VCAN: variants seen among roughly 807,000 people sequenced by gnomAD.
VCAN encodes the protein versican.
A neutral mutation model predicts 245.5 loss-of-function variants in VCAN; 44 were observed. The ratio of observed to expected loss-of-function variants is 0.18; its 90% CI spans 0.14 to 0.23. The LOEUF (loss-of-function observed/expected upper bound fraction) is 0.23, where lower values mean the gene tolerates loss of function less well. Ranked by LOEUF, VCAN falls within the 10% of genes least tolerant of loss-of-function variation. The pLI, the probability that VCAN is intolerant of heterozygous loss-of-function variation, is 1.00. For missense variants in VCAN, 3,793 were observed against 4,057.9 expected, an observed-to-expected ratio of 0.93 and a Z score of 1.77; for synonymous variants, 1,413 against 1,437.0, an observed-to-expected ratio of 0.98 and a Z score of 0.38.
At chr5:83,510,994 A>G (rs1326122182) in intron 5 of VCAN, among the ~76,000 whole-genome samples, 3 of 152,026 alleles carry the variant, frequency 2.0e-5, no homozygotes, top group Non-Finnish European at 2.9e-5. Context: ...GGTGCCTGTA[A>G]TCCCAGCTAC....
rs1388890358 is a variant in VCAN, at chr5:83,570,235, T to C, written c.9736-2181T>C. Among the ~76,000 whole-genome samples, 5 of 151,722 alleles carry C rather than the reference T, an allele frequency of 3.3e-5. No homozygotes were observed. The East Asian group carries it at 5.8e-4, about 18-fold the overall frequency. The stretch of plus-strand genomic sequence containing the variant: ...TTGCCTCACTTCTGGATTAGGTTTT[T>C]CCCCCGAGAAATAAAACCACCCTTC... On this transcript the variant is annotated intron_variant, in intron 12 of 14. Coordinates refer to ENST00000265077, the MANE Select transcript of VCAN (RefSeq NM_004385.5).
chr5:83,538,095 G>T lies in VCAN; in HGVS notation c.5092G>T (p.Ala1698Ser). 6.2e-7 allele frequency: 1 copy of T among 1,614,062 alleles called. No homozygotes were observed. Among genetic ancestry groups the T allele is most frequent in the Non-Finnish European group, 8.5e-7 (1 of 1,179,982 alleles). Residue 1698 changes from alanine (A) to serine (S), a missense_variant, in exon 8 of 15, where the codon GCA becomes TCA. Around this residue, in one of 5 missense-constraint regions of VCAN, gnomAD observed 3,182 missense variants for 3,250.3 expected, o/e 0.98. Coordinates refer to ENST00000265077, the MANE Select transcript of VCAN (RefSeq NM_004385.5). Reference sequence around the variant, plus strand: ...TTATCCAGTTTCTGAACAACCTTCTGCAAAAGTGGTGCCTACCAAGTTTGT... The same window carrying T: ...TTATCCAGTTTCTGAACAACCTTCTTCAAAAGTGGTGCCTACCAAGTTTGT... Reference protein sequence around the residue: ...TIYPVSEQPSAKVVPTKFVSE... With the variant: ...TIYPVSEQPSSKVVPTKFVSE...
At chr5:83,489,028 G>C (rs1744880243) in intron 2 of VCAN, among the ~76,000 whole-genome samples, 1 of 152,140 alleles carries the variant, frequency 6.6e-6, no homozygotes, top group Admixed American at 6.6e-5. Flanking sequence ...TGTTTACATT[G>C]AGAGTGATAT....
chr5:83,500,627 G>C (rs551340720), intron 5 of VCAN, among the ~76,000 whole-genome samples: 1 of 152,242 alleles, frequency 6.6e-6, no homozygotes, highest in South Asian at 2.1e-4. Flanking sequence ...GCACAGACAG[G>C]TTAAGTGATT....
At chr5:83,475,179 G>A (rs893247050) in intron 1 of VCAN, among the ~76,000 whole-genome samples, 6 of 152,152 alleles carry the variant, frequency 3.9e-5, no homozygotes, top group African/African-American at 1.4e-4. Context: ...AGGTTCCTGT[G>A]CCTCAATGAG....
chr5:83,494,802 C>T (rs948912792), intron 5 of VCAN, among the ~76,000 whole-genome samples: 31 of 151,728 alleles, frequency 2.0e-4, no homozygotes, highest in African/African-American at 7.5e-4. Context: ...AATGCCAAAA[C>T]TTAGCTAGGT....
Position 83,493,895 on chromosome 5 carries a change from A to G in VCAN, c.712A>G (p.Thr238Ala). ...TTATGGATTCCGTTCTCCCCAGGAAACTTACGATGTGTATTGTTATGTGGA... is the reference window on the plus strand; with the variant it reads ...TTATGGATTCCGTTCTCCCCAGGAAGCTTACGATGTGTATTGTTATGTGGA... The part of the protein sequence containing the change: ...RTYGFRSPQE[T>A]YDVYCYVDHL... The change falls in exon 5 of 15, where the codon ACT becomes GCT. Residue 238 changes from threonine to alanine, a missense_variant. By Grantham distance (58) the Thr-to-Ala change is moderately conservative. Around this residue, in one of 5 missense-constraint regions of VCAN, gnomAD observed 190 missense variants for 288.6 expected, o/e 0.66. Coordinates refer to ENST00000265077, the MANE Select transcript of VCAN (RefSeq NM_004385.5). 1 of 1,614,110 alleles carries G rather than the reference A, an allele frequency of 6.2e-7. No homozygotes were observed. The highest frequency in any genetic ancestry group is 8.5e-7 in the Non-Finnish European group (1 of 1,180,008).
chr5:83,493,229 G>A (rs540238364), intron 3 of VCAN, among the ~76,000 whole-genome samples: 1 of 152,276 alleles, frequency 6.6e-6, no homozygotes, highest in African/African-American at 2.4e-5. Context: ...GGTATCTGGT[G>A]TTCCCATGAT....
Position 83,521,694 on chromosome 5 carries a change from G to A in VCAN, c.3388G>A (p.Val1130Ile). The A allele has an allele frequency of 6.2e-7, 1 of 1,613,948 alleles. No homozygotes were observed. The highest frequency in any genetic ancestry group is 8.5e-7 in the Non-Finnish European group (1 of 1,180,004). Residue 1130 changes from valine to isoleucine, a missense_variant, in exon 7 of 15, where the codon GTA becomes ATA. By Grantham distance (29) the Val-to-Ile change is conservative. Transcript: ENST00000265077. ...VTLTPRIGPKVSLSPGPEQKY... is the reference protein window; with the variant it reads ...VTLTPRIGPKISLSPGPEQKY... ...ACTAACACCACGCATTGGGCCAAAA[G>A]TATCTTTAAGTCCAGGGCCTGAACA... is the stretch of plus-strand genomic sequence containing the variant.
intron 13 of VCAN, among the ~76,000 whole-genome samples, chr5:83,576,018 T>C (rs1014203123): frequency 2.0e-5 from 3 of 152,176 alleles, no homozygotes; most frequent in Non-Finnish European, 4.4e-5. Flanking sequence ...TCTTTTTAGA[T>C]ATTTTAAACC....
chr5:83,582,143 T>C lies in VCAN; in HGVS notation c.*1709T>C, dbSNP rs895986602. On this transcript the variant is annotated 3_prime_UTR_variant, in exon 15 of 15. Transcript: ENST00000265077. ...ATCTAGTAGGTTTCTATTTTTCCTT[T>C]CTCTTTACAATGCACATAATACTTT... 1 of 152,012 alleles carries C rather than the reference T, an allele frequency of 6.6e-6. No homozygotes were observed. Among genetic ancestry groups the C allele is most frequent in the South Asian group, 2.1e-4 (1 of 4,832 alleles). 9.4% of individuals were successfully genotyped at this position (152,012 alleles called of 1,614,324 possible).
Position 83,519,329 on chromosome 5 carries a change from CTT to C in VCAN, c.1043-18_1043-17del. ...TTATTAGTGACTTGTCTAATCAACT[CTT>C]TGAAATTATTTTTCTAGCTAAAGAG... is the stretch of plus-strand genomic sequence containing the variant. On this transcript the variant is annotated intron_variant, in intron 6 of 14. Transcript: ENST00000265077. The C allele has an allele frequency of 2.5e-6, 4 of 1,613,164 alleles. No homozygotes were observed. The highest frequency in any genetic ancestry group is 3.4e-6 in the Non-Finnish European group (4 of 1,179,494).
chr5:83,481,405 A>G (rs1309621526), intron 1 of VCAN, among the ~76,000 whole-genome samples: 3 of 152,152 alleles, frequency 2.0e-5, no homozygotes, highest in Non-Finnish European at 4.4e-5. Context: ...CCTTTTTATC[A>G]TAAAATACAA....
intron 10 of VCAN, among the ~76,000 whole-genome samples, chr5:83,549,645 C>G (rs759931566): frequency 3.3e-5 from 5 of 152,150 alleles, no homozygotes; most frequent in Admixed American, 6.6e-5. Context: ...GACCTTTTCT[C>G]TTTCTTTTCA....
chr5:83,573,210 T>C (rs912410658), intron 13 of VCAN, among the ~76,000 whole-genome samples: 1 of 152,186 alleles, frequency 6.6e-6, no homozygotes, highest in Admixed American at 6.6e-5. Context: ...CTTCTTTTTT[T>C]ATTTTGATGA....
In VCAN at chr5:83,521,702, A is replaced by G. The variant is rs375729124; in HGVS notation, c.3396A>G (p.Leu1132=). ...CACGCATTGGGCCAAAAGTATCTTT[A>G]AGTCCAGGGCCTGAACAAAAATATG... The part of the protein sequence containing the change: ...LTPRIGPKVS[L]SPGPEQKYET... The change falls in exon 7 of 15, where the codon TTA becomes TTG. Residue 1132 remains leucine, a synonymous_variant. Coordinates refer to ENST00000265077, the MANE Select transcript of VCAN (RefSeq NM_004385.5). 2.5e-6 allele frequency: 4 copies of G among 1,613,958 alleles called. No homozygotes were observed. Among genetic ancestry groups the G allele is most frequent in the Non-Finnish European group, 3.4e-6 (4 of 1,180,034 alleles).
At chr5:83,511,483 G>T (rs1164993359) in intron 5 of VCAN, among the ~76,000 whole-genome samples, 1 of 152,038 alleles carries the variant, frequency 6.6e-6, no homozygotes, top group Admixed American at 6.5e-5. Flanking sequence ...CATCATGGCA[G>T]CCCTGTGCCT....
chr5:83,498,983 A>G (rs543599394), intron 5 of VCAN, among the ~76,000 whole-genome samples: 1 of 151,722 alleles, frequency 6.6e-6, no homozygotes, highest in East Asian at 1.9e-4. Context: ...TCATTCCCAC[A>G]CTCTTCAATG....
chr5:83,580,740 A>T lies in VCAN; in HGVS notation c.*306A>T. 1 of 376,870 alleles carries T rather than the reference A, an allele frequency of 2.7e-6. No homozygotes were observed. Among genetic ancestry groups the T allele is most frequent in the South Asian group, 2.3e-5 (1 of 43,222 alleles). 23.3% of individuals were successfully genotyped at this position (376,870 alleles called of 1,614,324 possible). ...TGTATACCAGCCTACTGTACTATTT[A>T]AAATGCTCAATTTCAGCACCGATGG... On this transcript the variant is annotated 3_prime_UTR_variant, in exon 15 of 15. Transcript: ENST00000265077.
Sources: gnomAD v4.1 joint callset for allele counts (sites outside exome capture counted in the v4.1 genomes callset) on GRCh38, gnomAD v4.1.1 for gene constraint, gnomAD v4.1.1 regional missense constraint, MANE v1.5 for transcripts, NCBI Gene and HGNC (gene_info 2026-07-23, HGNC 2026-07-21) for gene names.